GABBR2: variants seen among roughly 807,000 people sequenced by gnomAD.
GABBR2 encodes gamma-aminobutyric acid type B receptor subunit 2.
A neutral mutation model predicts 105.6 loss-of-function variants in GABBR2; 23 were observed. The ratio of observed to expected loss-of-function variants is 0.22; its 90% confidence interval spans 0.16 to 0.31. The LOEUF is 0.31. Among genes scored for constraint, GABBR2 ranks in the 10% least tolerant of loss-of-function variants. GABBR2 has a pLI of 1.00. For missense variants in GABBR2, 734 were observed against 1,245.5 expected, an observed-to-expected ratio of 0.59 and a Z score of 6.18; for synonymous variants, 478 against 499.7, an observed-to-expected ratio of 0.96 and a Z score of 0.58.
intron 1 of GABBR2, among the ~76,000 whole-genome samples, chr9:98,647,926 G>A (rs906093250): frequency 7.3e-5 from 11 of 151,086 alleles, no homozygotes; most frequent in African/African-American, 2.4e-4. Context: ...ATACACTGTC[G>A]ATTGAAATGG....
intron 6 of GABBR2, among the ~76,000 whole-genome samples, chr9:98,465,138 A>G (rs1826521584): frequency 2.0e-5 from 3 of 149,648 alleles, no homozygotes; most frequent in South Asian, 2.1e-4. Flanking sequence ...AAAAAAAAAA[A>G]AAAAAAAAAG....
At chr9:98,312,726 C>G (rs1383898413) in intron 13 of GABBR2, among the ~76,000 whole-genome samples, 1 of 152,174 alleles carries the variant, frequency 6.6e-6, no homozygotes, top group Non-Finnish European at 1.5e-5. Context: ...GAAGAGCTTT[C>G]CTTTCCTCCC....
intron 17 of GABBR2, among the ~76,000 whole-genome samples, chr9:98,298,301 G>A (rs986630549): frequency 6.6e-6 from 1 of 152,076 alleles, no homozygotes; most frequent in Non-Finnish European, 1.5e-5. Context: ...GCTATAAAAT[G>A]TGCCATGTTT....
chr9:98,451,401 A>G (rs996961964), intron 7 of GABBR2, among the ~76,000 whole-genome samples: 1 of 152,250 alleles, frequency 6.6e-6, no homozygotes, highest in Admixed American at 6.5e-5. Flanking sequence ...GCTGTGCTAC[A>G]GAAATGGACT....
chr9:98,462,317 A>T (rs1826438713), intron 6 of GABBR2, among the ~76,000 whole-genome samples: 1 of 152,206 alleles, frequency 6.6e-6, no homozygotes, highest in Non-Finnish European at 1.5e-5. Flanking sequence ...TTACATTAAG[A>T]TTAGGAATAT....
intron 14 of GABBR2, among the ~76,000 whole-genome samples, chr9:98,307,250 A>G (rs1436134902): frequency 6.6e-6 from 1 of 152,170 alleles, no homozygotes; most frequent in Non-Finnish European, 1.5e-5. Flanking sequence ...TCTTGACAGA[A>G]ATGGACAGGG....
At chr9:98,291,667 A>G (rs894104405) in intron 18 of GABBR2, among the ~76,000 whole-genome samples, 3 of 152,178 alleles carry the variant, frequency 2.0e-5, no homozygotes, top group African/African-American at 7.2e-5. Context: ...TTCCAGGTGA[A>G]TCTTCCATCC....
chr9:98,355,619 A>C (rs986958128), intron 13 of GABBR2, among the ~76,000 whole-genome samples: 3 of 152,250 alleles, frequency 2.0e-5, no homozygotes, highest in African/African-American at 7.2e-5. Context: ...TAGATCAGAA[A>C]ACTCAGTATT....
intron 3 of GABBR2, among the ~76,000 whole-genome samples, chr9:98,523,272 G>T (rs1827900620): frequency 1.3e-5 from 2 of 152,288 alleles, no homozygotes; most frequent in South Asian, 4.1e-4. Flanking sequence ...TTAAGAAGTA[G>T]ATAAATCAAA....
chr9:98,360,743 T>A (rs771411636), intron 13 of GABBR2, among the ~76,000 whole-genome samples: 5 of 152,156 alleles, frequency 3.3e-5, no homozygotes. Context: ...CTGCACAGGT[T>A]TACCTTGTTT....
chr9:98,688,939 A>G (rs1830653172), intron 1 of GABBR2, among the ~76,000 whole-genome samples: 2 of 152,180 alleles, frequency 1.3e-5, no homozygotes, highest in African/African-American at 2.4e-5. Context: ...CCAGATATTG[A>G]TGTTGCCCAA....
chr9:98,701,310 T>C (rs556893302), intron 1 of GABBR2, among the ~76,000 whole-genome samples: 1 of 152,274 alleles, frequency 6.6e-6, no homozygotes, highest in African/African-American at 2.4e-5. Flanking sequence ...AAAAAGGAAT[T>C]TGGGGACAGA....
intron 7 of GABBR2, among the ~76,000 whole-genome samples, chr9:98,424,883 A>G (rs1379205609): frequency 6.6e-6 from 1 of 152,112 alleles, no homozygotes; most frequent in Non-Finnish European, 1.5e-5. Context: ...GGAAGAATCA[A>G]TATCGTGAAA....
intron 3 of GABBR2, among the ~76,000 whole-genome samples, chr9:98,511,640 T>C (rs1335802915): frequency 2.0e-5 from 3 of 152,056 alleles, no homozygotes; most frequent in Non-Finnish European, 4.4e-5. Flanking sequence ...TCTATGCAAA[T>C]AAACTAGAAA....
Position 98,288,168 on chromosome 9 carries a change from A to C in GABBR2, c.*2416T>G, listed in dbSNP as rs1015190691. ...ATCGATACCATGCAGTAGGGGTACG[A>C]GAAATTCCTCATTTACATTTGATTC... is the stretch of plus-strand genomic sequence containing the variant. On this transcript the variant is annotated 3_prime_UTR_variant, in exon 19 of 19. Transcript: ENST00000259455. 6.5e-6 allele frequency: 1 copy of C among 152,682 alleles called. No homozygotes were observed. Among genetic ancestry groups the C allele is most frequent in the Non-Finnish European group, 1.5e-5 (1 of 68,052 alleles). 9.5% of individuals were successfully genotyped at this position (152,682 alleles called of 1,614,324 possible).
intron 7 of GABBR2, among the ~76,000 whole-genome samples, chr9:98,439,053 C>T (rs536129243): frequency 1.4e-4 from 21 of 152,200 alleles, no homozygotes; most frequent in Non-Finnish European, 2.1e-4. Flanking sequence ...ATGGTTTTCA[C>T]AATATCTACC....
chr9:98,684,031 A>G (rs1830586848), intron 1 of GABBR2, among the ~76,000 whole-genome samples: 1 of 144,650 alleles, frequency 6.9e-6, no homozygotes, highest in Non-Finnish European at 1.5e-5. Flanking sequence ...AAAAAAAAAA[A>G]AAAAAAATCT....
chr9:98,707,150 G>GGGGACAA (rs1317766964), intron 1 of GABBR2: 1 of 152,252 alleles, frequency 6.6e-6, no homozygotes, highest in Non-Finnish European at 1.5e-5. Flanking sequence ...CTCTTTCTCT[G>GGGGACAA]GGGACATAAA....
At chr9:98,531,746 T>C (rs551544358) in intron 3 of GABBR2, among the ~76,000 whole-genome samples, 1 of 152,362 alleles carries the variant, frequency 6.6e-6, no homozygotes. Context: ...AGCAGAAGAC[T>C]GAAGGCCTGT....
Sources: allele counts gnomAD v4.1 joint callset (sites outside exome capture counted in the v4.1 genomes callset), GRCh38; gene constraint gnomAD v4.1.1; transcripts MANE v1.5; gene names NCBI Gene and HGNC (gene_info 2026-07-23, HGNC 2026-07-21).